ZGRF1: variants seen among roughly 807,000 people sequenced by gnomAD.
The protein encoded by ZGRF1 is zinc finger GRF-type containing 1, also known as 5'-3' DNA helicase ZGRF1.
Under a neutral mutation model 203.5 loss-of-function variants are expected in ZGRF1, and 196 were observed. The ratio of observed to expected loss-of-function variants is 0.96; its 90% CI spans 0.86 to 1.08. The LOEUF is 1.08. Ranked by LOEUF, ZGRF1 falls within the 50% of genes least tolerant of loss-of-function variation. The pLI is 0.00. For missense variants in ZGRF1, 2,326 were observed against 2,416.3 expected, an observed-to-expected ratio of 0.96 and a Z score of 0.78; for synonymous variants, 809 against 841.3, an observed-to-expected ratio of 0.96 and a Z score of 0.66.
chr4:112,548,853 G>A (rs1739357445), intron 22 of ZGRF1, among the ~76,000 whole-genome samples: 1 of 25,114 alleles, frequency 4.0e-5, no homozygotes, highest in Non-Finnish European at 7.6e-5. Flanking sequence ...GGTGGCTCAC[G>A]CCTGTAATCC....
intron 4 of ZGRF1, among the ~76,000 whole-genome samples, chr4:112,620,863 CAA>C (rs554450313): frequency 1.0e-3 from 64 of 61,648 alleles, no homozygotes; most frequent in Admixed American, 2.2e-3. Context: ...GACCCTGTCT[CAA>C]AAAAAAAAAA....
At chr4:112,552,688 T>C (rs1213526050) in intron 22 of ZGRF1, among the ~76,000 whole-genome samples, 10 of 152,178 alleles carry the variant, frequency 6.6e-5, no homozygotes, top group Admixed American at 5.2e-4. Context: ...AAACTTGTTA[T>C]AGATTGGTTA....
rs1737215678 is a variant in ZGRF1, at chr4:112,539,926, C to T, written c.6109G>A (p.Val2037Met). ...TTCCTCAAACAGGCTAAATTTCCCA[C>T]AATCAACAAATGCCTCTTTCCTCTA... ...LTRGKRHLLI[V>M]GNLACLRKNQ... Residue 2037 changes from valine to methionine, a missense_variant, in exon 27 of 28, where the codon GTG becomes ATG. Transcript: ENST00000505019. 2 of 1,613,756 alleles carry T rather than the reference C, an allele frequency of 1.2e-6. No individual in the cohort carries two copies. Among genetic ancestry groups the T allele is most frequent in the Non-Finnish European group, 1.7e-6 (2 of 1,179,794 alleles).
chr4:112,598,639 TAATAA>T (rs749843557), intron 10 of ZGRF1, among the ~76,000 whole-genome samples: 9 of 152,110 alleles, frequency 5.9e-5, no homozygotes, highest in South Asian at 2.1e-4. Flanking sequence ...TATTAATTAA[TAATAA>T]AATAATGTTT....
At chr4:112,558,815 G>A (rs17605555) in intron 19 of ZGRF1, among the ~76,000 whole-genome samples, 7,378 of 152,248 alleles carry the variant, frequency 0.048, 226 homozygotes, top group Non-Finnish European at 0.079. Context: ...TGAGACCAGC[G>A]CCTACTTAAA....
intron 1 of ZGRF1, among the ~76,000 whole-genome samples, chr4:112,633,750 G>C (rs1375687231): frequency 6.6e-6 from 1 of 152,172 alleles, no homozygotes; most frequent in East Asian, 1.9e-4. Flanking sequence ...TATGCTATTG[G>C]ATAAAACTGT....
In ZGRF1 at chr4:112,540,869, T is replaced by C; in HGVS notation, c.5862A>G (p.Ala1954=). The change falls in exon 26 of 28, where the codon GCA becomes GCG. Residue 1954 remains alanine, a synonymous_variant. Transcript: ENST00000505019. The part of the protein sequence containing the change: ...LIQSLIASGI[A]GSMIGVITLY... ...ATGTTATCACACCAATCATAGAGCCTGCTATTCCACTTGCAATCAGTGATT... is the reference window on the plus strand; with the variant it reads ...ATGTTATCACACCAATCATAGAGCCCGCTATTCCACTTGCAATCAGTGATT... The C allele has an allele frequency of 6.3e-7, 1 of 1,593,270 alleles. No individual in the cohort carries two copies. Among genetic ancestry groups the C allele is most frequent in the Non-Finnish European group, 8.6e-7 (1 of 1,168,606 alleles).
At chr4:112,575,376 A>G (rs558540179) in intron 16 of ZGRF1, among the ~76,000 whole-genome samples, 6 of 152,290 alleles carry the variant, frequency 3.9e-5, no homozygotes, top group Middle Eastern at 3.4e-3. Flanking sequence ...TGATTTCTGC[A>G]TTTCCAACTG....
At chr4:112,545,786 GA>G (rs1738626276) in intron 24 of ZGRF1, among the ~76,000 whole-genome samples, 1 of 152,064 alleles carries the variant, frequency 6.6e-6, no homozygotes, top group African/African-American at 2.4e-5. Flanking sequence ...GCCTTATAAA[GA>G]AATGAAATTC....
chr4:112,559,323 A>G (rs1236184953), intron 19 of ZGRF1, among the ~76,000 whole-genome samples: 1 of 152,032 alleles, frequency 6.6e-6, no homozygotes. Flanking sequence ...CACAACCTCC[A>G]AAGTAGCTGG....
chr4:112,576,884 T>C (rs993330350), intron 16 of ZGRF1, among the ~76,000 whole-genome samples: 1 of 151,672 alleles, frequency 6.6e-6, no homozygotes, highest in African/African-American at 2.4e-5. Context: ...ACTTCCCCAA[T>C]CTAGCAAGGC....
At chr4:112,560,010 G>C (rs574395967) in intron 19 of ZGRF1, among the ~76,000 whole-genome samples, 1 of 152,322 alleles carries the variant, frequency 6.6e-6, no homozygotes, top group South Asian at 2.1e-4. Flanking sequence ...GATTAAGAGA[G>C]AGTCACTTAA....
intron 9 of ZGRF1, 154 bp downstream of exon 9, chr4:112,605,854 A>T: frequency 3.3e-6 from 2 of 610,906 alleles, no homozygotes; most frequent in Non-Finnish European, 5.8e-6. Context: ...AGGAGTCATT[A>T]AATAGTTTTT....
intron 1 of ZGRF1, among the ~76,000 whole-genome samples, chr4:112,636,375 T>C (rs764341471): frequency 6.6e-6 from 1 of 152,230 alleles, no homozygotes; most frequent in Non-Finnish European, 1.5e-5. Context: ...CATTATTCAT[T>C]TAAATACTAG....
At chr4:112,550,066 C>A (rs1356191854) in intron 22 of ZGRF1, among the ~76,000 whole-genome samples, 1 of 152,188 alleles carries the variant, frequency 6.6e-6, no homozygotes, top group East Asian at 1.9e-4. Context: ...GGTGGCGGTG[C>A]CTGTAGTCCC....
At chr4:112,574,805 C>A (rs1744847440) in intron 16 of ZGRF1, among the ~76,000 whole-genome samples, 1 of 152,058 alleles carries the variant, frequency 6.6e-6, no homozygotes, top group South Asian at 2.1e-4. Context: ...GTGGGTGGAT[C>A]ACCTGAGGCC....
intron 10 of ZGRF1, among the ~76,000 whole-genome samples, chr4:112,598,362 G>A (rs566576729): frequency 6.6e-6 from 1 of 151,950 alleles, no homozygotes; most frequent in South Asian, 2.1e-4. Flanking sequence ...ATTATAAACC[G>A]GAAAAACCCA....
At chr4:112,577,289 G>A (rs1745426467) in intron 16 of ZGRF1, among the ~76,000 whole-genome samples, 1 of 122,514 alleles carries the variant, frequency 8.2e-6, no homozygotes, top group Non-Finnish European at 1.8e-5. Context: ...CGCTAAACAT[G>A]GAAAGGAATA....
intron 7 of ZGRF1, chr4:112,610,957 T>A (rs1424368869): frequency 1.3e-5 from 4 of 300,334 alleles, no homozygotes; most frequent in Non-Finnish European, 2.6e-5. Context: ...CACAAAAAAA[T>A]CTGGAAACAT....
Sources: gnomAD v4.1 joint callset for allele counts (sites outside exome capture counted in the v4.1 genomes callset) on GRCh38, gnomAD v4.1.1 for gene constraint, MANE v1.5 for transcripts, NCBI Gene and HGNC (gene_info 2026-07-23, HGNC 2026-07-21) for gene names.